ADSS2: variants seen among roughly 807,000 people sequenced by gnomAD.
ADSS2 encodes adenylosuccinate synthase 2, also known as adenylosuccinate synthetase isozyme 2.
ADSS2 carries 30 observed loss-of-function variants against 60.0 expected under a neutral mutation model. The ratio of observed to expected loss-of-function variants is 0.50; its 90% CI spans 0.37 to 0.68. The LOEUF (loss-of-function observed/expected upper bound fraction) is 0.68, where lower values mean the gene tolerates loss of function less well. Among genes scored for constraint, ADSS2 ranks in the 30% least tolerant of loss-of-function variants. The pLI, the probability that ADSS2 is intolerant of heterozygous loss-of-function variation, is 0.00. For synonymous variants in ADSS2, 187 were observed against 193.1 expected, an observed-to-expected ratio of 0.97 and a Z score of 0.26; for missense variants, 373 against 554.8, an observed-to-expected ratio of 0.67 and a Z score of 3.29.
chr1:244,415,172 CAT>C (rs772549054), intron 11 of ADSS2, among the ~76,000 whole-genome samples: 1 of 152,176 alleles, frequency 6.6e-6, no homozygotes, highest in Non-Finnish European at 1.5e-5. Context: ...GACCTTGCCA[CAT>C]GTCATTATAC....
intron 4 of ADSS2, among the ~76,000 whole-genome samples, chr1:244,430,720 GAATA>G (rs1453112769): frequency 3.3e-5 from 5 of 152,240 alleles, no homozygotes; most frequent in Admixed American, 6.5e-5. Context: ...ATTGGTAACA[GAATA>G]AATAAAGCTA....
chr1:244,440,599 G>A (rs921937637), intron 1 of ADSS2, among the ~76,000 whole-genome samples: 6 of 152,172 alleles, frequency 3.9e-5, no homozygotes, highest in African/African-American at 1.4e-4. Flanking sequence ...TCCCGCATAT[G>A]ATACAGACAC....
intron 4 of ADSS2, among the ~76,000 whole-genome samples, chr1:244,431,708 G>C (rs1287821084): frequency 1.3e-5 from 2 of 152,146 alleles, no homozygotes; most frequent in Non-Finnish European, 2.9e-5. Context: ...GTAATGAAGA[G>C]GCCAGTTTCA....
At chr1:244,445,941 A>G (rs1426537344) in intron 1 of ADSS2, among the ~76,000 whole-genome samples, 1 of 152,200 alleles carries the variant, frequency 6.6e-6, no homozygotes, top group Non-Finnish European at 1.5e-5. Flanking sequence ...TCTGTGTCTT[A>G]TCTTTGTCCT....
At chr1:244,441,722 T>C (rs1262578272) in intron 1 of ADSS2, among the ~76,000 whole-genome samples, 7 of 152,148 alleles carry the variant, frequency 4.6e-5, no homozygotes, top group African/African-American at 1.7e-4. Flanking sequence ...TTTGGGAGGC[T>C]GAGGCGGGTA....
chr1:244,424,064 A>C lies in ADSS2; in HGVS notation c.474-4T>G. On this transcript the variant is annotated splice_region_variant and splice_polypyrimidine_tract_variant and intron_variant, in intron 5 of 12. Coordinates refer to ENST00000366535, the MANE Select transcript of ADSS2 (RefSeq NM_001126.5). ...GCCCTTTTTTGTTGTACCCAAACTT[A>C]AAAACAAATCCAAACAAGCTTTAAG... 1 of 1,608,364 alleles carries C rather than the reference A, an allele frequency of 6.2e-7. No individual in the cohort carries two copies.
intron 9 of ADSS2, 81 bp from the exon 10 acceptor site, chr1:244,417,833 G>T: frequency 7.6e-7 from 1 of 1,317,744 alleles, no homozygotes; most frequent in Non-Finnish European, 1.0e-6. Context: ...AGAGATCATA[G>T]CAAAGCCTCT....
intron 7 of ADSS2, among the ~76,000 whole-genome samples, chr1:244,421,482 AC>A (rs749279022): frequency 1.2e-4 from 18 of 152,172 alleles, no homozygotes; most frequent in Non-Finnish European, 1.9e-4. Context: ...GCCTGAAATG[AC>A]CACACTAGTC....
At chr1:244,420,486 C>A (rs1664649765) in intron 7 of ADSS2, among the ~76,000 whole-genome samples, 190 bp from the exon 8 acceptor site, 1 of 55,460 alleles carries the variant, frequency 1.8e-5, no homozygotes, top group African/African-American at 1.1e-4. Context: ...TTTCCAGGAA[C>A]AGAAAAGAGC....
At chr1:244,450,394 G>T (rs1032188552) in intron 1 of ADSS2, among the ~76,000 whole-genome samples, 11 of 152,146 alleles carry the variant, frequency 7.2e-5, no homozygotes, top group African/African-American at 2.7e-4. Flanking sequence ...TGGGCAGGGT[G>T]GATTTCTAAA....
At chr1:244,449,229 T>C (rs1207862765) in intron 1 of ADSS2, among the ~76,000 whole-genome samples, 1 of 152,248 alleles carries the variant, frequency 6.6e-6, no homozygotes, top group African/African-American at 2.4e-5. Context: ...TTAAATGCAA[T>C]GCCAGTTTTT....
intron 7 of ADSS2, among the ~76,000 whole-genome samples, chr1:244,420,570 C>T (rs1434132642): frequency 6.6e-6 from 1 of 152,088 alleles, no homozygotes; most frequent in Non-Finnish European, 1.5e-5. Context: ...TAAAACCCTC[C>T]CAGCAAAGTA....
Position 244,451,604 on chromosome 1 carries a change from C to A in ADSS2, c.183+31G>T, listed in dbSNP as rs748095946. The A allele has an allele frequency of 7.0e-6, 11 of 1,581,518 alleles. No homozygotes were observed. Among genetic ancestry groups the A allele is most frequent in the Non-Finnish European group, 9.5e-6 (11 of 1,163,430 alleles). ...GCCAGGCAGCCCGAGCTCCCGGGCCCGGCTTCCCATGAGAGGCCCCGTCGC... is the reference window on the plus strand; with the variant it reads ...GCCAGGCAGCCCGAGCTCCCGGGCCAGGCTTCCCATGAGAGGCCCCGTCGC... On this transcript the variant is annotated intron_variant, in intron 1 of 12. Coordinates refer to ENST00000366535, the MANE Select transcript of ADSS2 (RefSeq NM_001126.5). The surrounding 1 kb of genome is among the most constrained non-coding windows in gnomAD (Gnocchi z 6.6).
intron 11 of ADSS2, among the ~76,000 whole-genome samples, chr1:244,411,912 TA>T (rs1664426491): frequency 1.3e-5 from 2 of 152,208 alleles, no homozygotes; most frequent in Admixed American, 1.3e-4. Flanking sequence ...CTGTATCCCC[TA>T]ATGGAAACTG....
intron 1 of ADSS2, among the ~76,000 whole-genome samples, chr1:244,449,916 C>G (rs1487873019): frequency 1.3e-5 from 2 of 152,190 alleles, no homozygotes; most frequent in Non-Finnish European, 2.9e-5. Context: ...TTAGTAACAC[C>G]TTCTCCAAGC....
chr1:244,430,391 T>C (rs1468740398), intron 4 of ADSS2, among the ~76,000 whole-genome samples: 1 of 152,236 alleles, frequency 6.6e-6, no homozygotes, highest in Non-Finnish European at 1.5e-5. Context: ...CACTAACCTC[T>C]TTCCAACAGG....
intron 1 of ADSS2, among the ~76,000 whole-genome samples, chr1:244,439,125 CAAGTT>C (rs755952913): frequency 1.4e-4 from 22 of 152,148 alleles, no homozygotes; most frequent in Non-Finnish European, 2.8e-4. Flanking sequence ...TTAGCTCCCA[CAAGTT>C]AAGTGGGAAC....
rs191651118 is a variant in ADSS2, at chr1:244,411,354, C to T, written c.1251G>A (p.Ala417=). 2.0e-5 allele frequency: 32 copies of T among 1,613,796 alleles called. 1 individual carries two copies. Among genetic ancestry groups the T allele is most frequent in the Admixed American group, 1.7e-4 (10 of 59,998 alleles). ...GWNTDISNAR[A]FKELPVNAQN... The stretch of plus-strand genomic sequence containing the variant: ...GTGCATTAACAGGTAGTTCTTTAAA[C>T]GCCCTTGCATTTGATATGTCTGTGT... Residue 417 remains alanine (A), a synonymous_variant, in exon 12 of 13, where the codon GCG becomes GCA. Coordinates refer to ENST00000366535, the MANE Select transcript of ADSS2 (RefSeq NM_001126.5).
chr1:244,432,716 T>C (rs1490725591), intron 3 of ADSS2, 121 bp from the exon 4 acceptor site: 11 of 564,840 alleles, frequency 1.9e-5, no homozygotes, highest in Non-Finnish European at 2.9e-5. Context: ...CAGGCTGGAG[T>C]GCAGTGGTGT....
Sources: gnomAD v4.1 joint callset for allele counts (sites outside exome capture counted in the v4.1 genomes callset) on GRCh38, gnomAD v4.1.1 for gene constraint, Gnocchi (gnomAD v3.1) non-coding constraint, MANE v1.5 for transcripts, NCBI Gene and HGNC (gene_info 2026-07-23, HGNC 2026-07-21) for gene names.